SAMD12: variants seen among roughly 807,000 people sequenced by gnomAD.
The protein encoded by SAMD12 is sterile alpha motif domain containing 12.
Under a neutral mutation model 15.0 loss-of-function variants are expected in SAMD12, and 9 were observed. The observed-to-expected ratio is 0.60, with a 90% confidence interval of 0.36 to 1.05. The LOEUF is 1.05. Among genes scored for constraint, SAMD12 ranks in the 50% least tolerant of loss-of-function variants. The pLI is 0.01. For synonymous variants in SAMD12, 86 were observed against 90.1 expected (o/e 0.96, Z 0.25); for missense variants, 230 against 234.2 (o/e 0.98, Z 0.12).
intron 4 of SAMD12, among the ~76,000 whole-genome samples, chr8:118,353,851 C>T (rs1180285761): frequency 6.6e-6 from 1 of 152,056 alleles, no homozygotes; most frequent in Non-Finnish European, 1.5e-5. Context: ...TGAGTGGTAT[C>T]AGTGGGAGGC....
chr8:118,282,212 G>C (rs1813683023), intron 4 of SAMD12: 2 of 439,940 alleles, frequency 4.5e-6, no homozygotes, highest in African/African-American at 2.0e-5. Flanking sequence ...GGGGAAATCT[G>C]GGTTTGGAGC....
chr8:118,430,403 G>GC (rs1448428755), intron 3 of SAMD12, among the ~76,000 whole-genome samples: 1 of 145,534 alleles, frequency 6.9e-6, no homozygotes, highest in East Asian at 2.0e-4. Context: ...TCGCTCTGTT[G>GC]CCAGGCTGGA....
At chr8:118,314,779 C>A (rs769952914) in intron 4 of SAMD12, among the ~76,000 whole-genome samples, 16 of 152,136 alleles carry the variant, frequency 1.1e-4, no homozygotes, top group Non-Finnish European at 2.4e-4. Flanking sequence ...TACCACTGTA[C>A]ATCCTTACAC....
intron 1 of SAMD12, among the ~76,000 whole-genome samples, chr8:118,609,507 T>C (rs887702901): frequency 6.6e-6 from 1 of 152,190 alleles, no homozygotes. Flanking sequence ...GGAGGGACCC[T>C]GAATGCTAAG....
intron 2 of SAMD12, among the ~76,000 whole-genome samples, chr8:118,493,667 C>CAT (rs1277842016): frequency 6.6e-6 from 1 of 152,160 alleles, no homozygotes; most frequent in Non-Finnish European, 1.5e-5. Context: ...TCATCTCTTA[C>CAT]ATAACAAAAT....
In SAMD12 at chr8:118,531,984, G is replaced by A. The variant is rs540415648; in HGVS notation, c.192+48731C>T. 9.2e-5 allele frequency among the ~76,000 whole-genome samples: 14 copies of A among 152,236 alleles called. No homozygotes were observed. The South Asian group carries it at 1.5e-3, about 16-fold the overall frequency. On this transcript the variant is annotated intron_variant, in intron 2 of 3. Coordinates refer to ENST00000314727, the MANE Select transcript of SAMD12 (RefSeq NM_207506.3). ...ACTATGTTGAATAGGAATGGCGAGC[G>A]AGGGCATCCCTGTCTTGCGCCCGTT...
chr8:118,142,368 C>T, the SAMD12 span, among the ~76,000 whole-genome samples: 451 of 152,296 alleles, frequency 3.0e-3, 2 homozygotes, highest in African/African-American at 0.01. Flanking sequence ...TCTAGAAGTT[C>T]CCTCTTGCCT....
chr8:118,419,118 C>T (rs1821870015), intron 3 of SAMD12, among the ~76,000 whole-genome samples: 1 of 151,984 alleles, frequency 6.6e-6, no homozygotes. Flanking sequence ...GCATAGAAGG[C>T]TCTATTCTAG....
chr8:118,143,121 G>C, the SAMD12 span, among the ~76,000 whole-genome samples: 2 of 152,088 alleles, frequency 1.3e-5, no homozygotes, highest in Admixed American at 1.3e-4. Context: ...GTTGACTTCT[G>C]AGTTGTGATT....
rs1482688666 is a variant in SAMD12 at position 118,580,753 on chromosome 8, T to G, written c.154A>C (p.Thr52Pro). Reference sequence around the variant, plus strand: ...GCTTCTGCCTGCAGTCGCTTGGGAGTTCCTTTCTGGTCAGGCACCTTCTGG... The same window carrying G: ...GCTTCTGCCTGCAGTCGCTTGGGAGGTCCTTTCTGGTCAGGCACCTTCTGG... ...NFQKVPDQKGTPKRLQAEAET... is the reference protein window; with the variant it reads ...NFQKVPDQKGPPKRLQAEAET... The change falls in exon 2 of 4, where the codon ACT becomes CCT. Residue 52 changes from threonine to proline, a missense_variant. Physicochemically the swap from Thr to Pro is conservative, Grantham distance 38. Transcript: ENST00000314727. 1.2e-6 allele frequency: 2 copies of G among 1,613,054 alleles called. No individual in the cohort carries two copies. Among genetic ancestry groups the G allele is most frequent in the African/African-American group, 2.7e-5 (2 of 74,798 alleles).
At chr8:118,489,068 T>C (rs564393710) in intron 2 of SAMD12, among the ~76,000 whole-genome samples, 1 of 152,176 alleles carries the variant, frequency 6.6e-6, no homozygotes, top group Non-Finnish European at 1.5e-5. Context: ...GGTTGTGGTA[T>C]CTCTTTCTGT....
At position 118,211,189 on chromosome 8, in the gene SAMD12, C is replaced by T. The variant is rs76016242; in HGVS notation, c.434-13457G>A. Among the ~76,000 whole-genome samples, 73 of 152,258 alleles carry T rather than the reference C, an allele frequency of 4.8e-4. No homozygotes were observed. In the East Asian group the frequency reaches 0.012, roughly 25 times the overall value. ...CCCCCATCTAGTTACGGAAACTTCA[C>T]GTGGGAAGGGATTGTGTTTAAGCAT... On this transcript the variant is annotated intron_variant, in intron 4 of 4. Transcript: ENST00000409003.
chr8:118,168,528 T>C, the SAMD12 span, among the ~76,000 whole-genome samples: 1 of 152,220 alleles, frequency 6.6e-6, no homozygotes, highest in East Asian at 1.9e-4. Flanking sequence ...CCTTATTAGA[T>C]TCTCCTCATT....
intron 2 of SAMD12, among the ~76,000 whole-genome samples, chr8:118,560,365 G>A (rs1826668580): frequency 6.6e-6 from 1 of 152,196 alleles, no homozygotes; most frequent in Non-Finnish European, 1.5e-5. Flanking sequence ...TTCACTGACA[G>A]CCATGTAGAA....
chr8:118,396,526 T>C (rs1356348091), intron 3 of SAMD12, among the ~76,000 whole-genome samples: 2 of 152,188 alleles, frequency 1.3e-5, no homozygotes, highest in African/African-American at 2.4e-5. Context: ...CAGCAATTGG[T>C]AGATATTCAT....
At chr8:118,149,090 T>C in the SAMD12 span, among the ~76,000 whole-genome samples, 1 of 152,230 alleles carries the variant, frequency 6.6e-6, no homozygotes, top group Non-Finnish European at 1.5e-5. Flanking sequence ...AATGTATGCT[T>C]AACTTTTTTG....
intron 2 of SAMD12, among the ~76,000 whole-genome samples, chr8:118,529,013 T>G (rs375387322): frequency 1.0e-3 from 155 of 152,308 alleles, no homozygotes; most frequent in African/African-American, 3.3e-3. Context: ...CTTTCCAGCT[T>G]GCAAGGGTGC....
intron 4 of SAMD12, among the ~76,000 whole-genome samples, chr8:118,252,421 G>T (rs1483313956): frequency 2.0e-5 from 3 of 152,134 alleles, no homozygotes; most frequent in Admixed American, 2.0e-4. Context: ...CTTGTCCGAG[G>T]TCCCACAGCT....
intron 4 of SAMD12, among the ~76,000 whole-genome samples, chr8:118,344,217 G>A (rs1316590364): frequency 1.9e-4 from 29 of 152,152 alleles, no homozygotes; most frequent in Non-Finnish European, 4.0e-4. Flanking sequence ...TCCTGCTCAG[G>A]TTGAACTAAT....
Sources: allele counts gnomAD v4.1 joint callset (sites outside exome capture counted in the v4.1 genomes callset), GRCh38; gene constraint gnomAD v4.1.1; transcripts MANE v1.5; gene names NCBI Gene and HGNC (gene_info 2026-07-23, HGNC 2026-07-21).